UGT1A5: variants seen among roughly 807,000 people sequenced by gnomAD.
The protein encoded by UGT1A5 is UDP-glucuronosyltransferase 1A5.
UGT1A5 carries 29 observed loss-of-function variants against 40.3 expected under a neutral mutation model. That is an observed-to-expected ratio of 0.72 (90% CI 0.54 to 0.98). UGT1A5 has a LOEUF of 0.98. Among genes scored for constraint, UGT1A5 ranks in the 50% least tolerant of loss-of-function variants. The pLI is 0.00. For synonymous variants in UGT1A5, 257 were observed against 262.5 expected, an observed-to-expected ratio of 0.98 and a Z score of 0.20; for missense variants, 678 against 677.9, an observed-to-expected ratio of 1.00 and a Z score of 0.00.
chr2:233,744,366 G>A (rs1692789065), intron 1 of UGT1A5, among the ~76,000 whole-genome samples: 1 of 151,836 alleles, frequency 6.6e-6, no homozygotes, highest in South Asian at 2.1e-4. Context: ...TGTTGTTTAG[G>A]ACTGCAGTTC....
rs545296603 is a variant in UGT1A5, at chr2:233,723,272, C to T, written c.867+9414C>T. On this transcript the variant is annotated intron_variant, in intron 1 of 4. Transcript: ENST00000373414. Reference sequence around the variant, plus strand: ...TCACCCAGGCTGGAGTGCAATGGCACGATGTTGGCTCACTGCAACCTCTGC... The same window carrying T: ...TCACCCAGGCTGGAGTGCAATGGCATGATGTTGGCTCACTGCAACCTCTGC... 7.1e-5 allele frequency among the ~76,000 whole-genome samples: 8 copies of T among 111,932 alleles called. 2 individuals carry two copies. In the East Asian group the frequency reaches 1.2e-3, roughly 16 times the overall value. The allele number at this position is 111,932 out of a possible 152,430, so 73.4% of individuals were successfully genotyped here.
chr2:233,729,508 T>C (rs1302187819), intron 1 of UGT1A5: 3 of 1,614,204 alleles, frequency 1.9e-6, no homozygotes, highest in African/African-American at 1.3e-5. Flanking sequence ...TCATAGGTCT[T>C]GTGTGGAGCT....
At chr2:233,752,742 C>T (rs1695047003) in intron 1 of UGT1A5, among the ~76,000 whole-genome samples, 1 of 152,068 alleles carries the variant, frequency 6.6e-6, no homozygotes, top group South Asian at 2.1e-4. Flanking sequence ...GAGACCCTGT[C>T]TCTAAAACAA....
intron 1 of UGT1A5, chr2:233,742,861 T>TAG (rs1692120681): frequency 6.2e-6 from 1 of 162,394 alleles, no homozygotes; most frequent in Admixed American, 5.8e-5. Context: ...TCAAATGATT[T>TAG]AGAGCAAACC....
At chr2:233,727,671 A>C (rs2077638679) in intron 1 of UGT1A5, among the ~76,000 whole-genome samples, 2 of 152,110 alleles carry the variant, frequency 1.3e-5, no homozygotes, top group Non-Finnish European at 2.9e-5. Context: ...TGTCCTTACA[A>C]ATTCCCAGGA....
intron 1 of UGT1A5, chr2:233,718,998 G>T (rs759529745): frequency 1.9e-6 from 3 of 1,614,266 alleles, no homozygotes; most frequent in South Asian, 1.1e-5. Context: ...CCAGGCGGTG[G>T]TCCTCACCCC....
At position 233,767,045 on chromosome 2, in the gene UGT1A5, CT is replaced by C. The variant is rs756697968; in HGVS notation, c.880del (p.Tyr294ThrfsTer73). On this transcript the variant is annotated frameshift_variant, in exon 2 of 5. Coordinates refer to ENST00000373414, the MANE Select transcript of UGT1A5 (RefSeq NM_019078.2). LOFTEE classifies it high-confidence loss of function. The part of the protein sequence containing the change: ...GKPLSQEFEA[Y>X]INASGEHGIV... The stretch of plus-strand genomic sequence containing the variant: ...TCTTCTGGCTCTAGGAATTTGAAGC[CT>C]ACATTAATGCTTCTGGAGAACATGG... 7.4e-6 allele frequency: 12 copies of C among 1,613,888 alleles called. No homozygotes were observed. The highest frequency in any genetic ancestry group is 9.3e-6 in the Non-Finnish European group (11 of 1,179,996).
chr2:233,753,749 G>A (rs143381120), intron 1 of UGT1A5: 2 of 152,342 alleles, frequency 1.3e-5, no homozygotes, highest in African/African-American at 4.8e-5. Context: ...CAATAGGACA[G>A]TTTTGCGTGG....
chr2:233,730,335 A>G (rs923497245), intron 1 of UGT1A5, among the ~76,000 whole-genome samples: 1 of 152,192 alleles, frequency 6.6e-6, no homozygotes, highest in Non-Finnish European at 1.5e-5. Flanking sequence ...CTACGTTTGG[A>G]ACTGATCCAT....
chr2:233,737,366 G>T (rs1427441917), intron 1 of UGT1A5, among the ~76,000 whole-genome samples: 1 of 152,256 alleles, frequency 6.6e-6, no homozygotes, highest in Non-Finnish European at 1.5e-5. Context: ...GCTAAGCCAG[G>T]CAGGGGAGAG....
At chr2:233,719,573 T>C (rs2076782711) in intron 1 of UGT1A5, 3 of 1,613,994 alleles carry the variant, frequency 1.9e-6, no homozygotes, top group Non-Finnish European at 2.5e-6. Context: ...TTGTCAGCTA[T>C]GCATCCGTGT....
chr2:233,742,980 A>C (rs890471778), intron 1 of UGT1A5: 2 of 228,494 alleles, frequency 8.8e-6, no homozygotes, highest in African/African-American at 4.7e-5. Flanking sequence ...CTTAAGTTTA[A>C]TAAATAGCAA....
At chr2:233,764,847 C>G (rs1361860386) in intron 1 of UGT1A5, among the ~76,000 whole-genome samples, 2 of 147,962 alleles carry the variant, frequency 1.4e-5, no homozygotes, top group Non-Finnish European at 3.0e-5. Flanking sequence ...ATGACTCTGT[C>G]CTCCCTGACT....
chr2:233,755,510 G>C (rs1695945720), intron 1 of UGT1A5: 1 of 163,962 alleles, frequency 6.1e-6, no homozygotes, highest in Non-Finnish European at 1.3e-5. Flanking sequence ...ACCAGGCCCC[G>C]CCCACTCCGG....
At chr2:233,761,180 C>T (rs374898247) in intron 1 of UGT1A5, 24 of 1,614,008 alleles carry the variant, frequency 1.5e-5, no homozygotes, top group Non-Finnish European at 1.8e-5. Flanking sequence ...CTTTTACATG[C>T]GTATATTCTT....
intron 1 of UGT1A5, among the ~76,000 whole-genome samples, chr2:233,757,422 GAAGAA>G (rs1401063463): frequency 6.6e-6 from 1 of 151,344 alleles, no homozygotes; most frequent in African/African-American, 2.4e-5. Flanking sequence ...AACGAAAAGA[GAAGAA>G]AAGTCACTTC....
rs1559392013 is a variant in UGT1A5 at position 233,747,291 on chromosome 2, T to C, written c.868-19743T>C. The C allele has an allele frequency of 3.1e-6, 5 of 1,600,838 alleles. No individual in the cohort carries two copies. In the African/African-American group the frequency reaches 4.0e-5, roughly 13 times the overall value. On this transcript the variant is annotated intron_variant, in intron 1 of 4. Transcript: ENST00000373414. ...TCCTTCTCAGTGCCCAGCCCTGGGCTGAGAGTGGGAAGGTGCTGGTGGTAC... is the reference window on the plus strand; with the variant it reads ...TCCTTCTCAGTGCCCAGCCCTGGGCCGAGAGTGGGAAGGTGCTGGTGGTAC...
At chr2:233,734,165 TG>T (rs2078494496) in intron 1 of UGT1A5, among the ~76,000 whole-genome samples, 1 of 152,186 alleles carries the variant, frequency 6.6e-6, no homozygotes, top group African/African-American at 2.4e-5. Context: ...GGACTTTTTT[TG>T]GTTGGTAGGC....
At chr2:233,735,919 C>A (rs2078709385) in intron 1 of UGT1A5, among the ~76,000 whole-genome samples, 1 of 152,156 alleles carries the variant, frequency 6.6e-6, no homozygotes, top group South Asian at 2.1e-4. Context: ...GTAACCCGAC[C>A]TTTCTCTGTG....
Sources: allele counts gnomAD v4.1 joint callset (sites outside exome capture counted in the v4.1 genomes callset), GRCh38; gene constraint gnomAD v4.1.1; transcripts MANE v1.5; gene names NCBI Gene and HGNC (gene_info 2026-07-23, HGNC 2026-07-21).